The following PXK variants were observed in gnomAD, a reference collection of about 807,000 sequenced individuals.
The protein encoded by PXK is PX domain containing serine/threonine kinase like.
PXK carries 35 observed loss-of-function variants against 84.7 expected under a neutral mutation model. The observed-to-expected ratio is 0.41, with a 90% CI of 0.32 to 0.55. The LOEUF is 0.55. Ranked by LOEUF, PXK falls within the 20% of genes least tolerant of loss-of-function variation. The pLI, the probability that PXK is intolerant of heterozygous loss-of-function variation, is 0.21. For missense variants in PXK, 634 were observed against 699.7 expected (o/e 0.91, Z 1.06); for synonymous variants, 253 against 260.8 (o/e 0.97, Z 0.29).
chr3:58,365,998 C>G, intron 2 of PXK, 74 bp downstream of exon 2: 2 of 1,265,594 alleles, frequency 1.6e-6, no homozygotes, highest in Non-Finnish European at 2.2e-6. Flanking sequence ...GACTTGGGGC[C>G]TCTGAAAGTC....
chr3:58,360,699 G>T (rs2098168816), intron 1 of PXK, among the ~76,000 whole-genome samples: 1 of 151,970 alleles, frequency 6.6e-6, no homozygotes, highest in Non-Finnish European at 1.5e-5. Flanking sequence ...GAGGGTGGTG[G>T]TGCATGCCTG....
chr3:58,333,235 C>A lies in PXK; in HGVS notation c.102+145C>A. On this transcript the variant is annotated intron_variant, in intron 1 of 17. Transcript: ENST00000356151. This position sits in a 1 kb window ranked among gnomAD's most constrained non-coding sequence, Gnocchi z 5.4. ...GGCCCTGGCCGAGAAGGCTGTGGCG[C>A]GCCGCTGGGTCTGGGTCAGGGCCCC... 2.7e-6 allele frequency: 1 copy of A among 375,514 alleles called. No homozygotes were observed. Among genetic ancestry groups the A allele is most frequent in the Non-Finnish European group, 3.7e-6 (1 of 267,800 alleles). 23.3% of individuals were successfully genotyped at this position (375,514 alleles called of 1,614,324 possible).
intron 12 of PXK, 53 bp from the exon 13 acceptor site, chr3:58,403,809 C>A: frequency 8.1e-7 from 1 of 1,238,096 alleles, no homozygotes; most frequent in Non-Finnish European, 1.1e-6. Context: ...TCATCCTAGT[C>A]TGAGAGTGCA....
In PXK at chr3:58,416,918, C is replaced by T. The variant is rs138351711; in HGVS notation, c.1528+3955C>T. Among the ~76,000 whole-genome samples, 77 of 152,254 alleles carry T rather than the reference C, an allele frequency of 5.1e-4. No homozygotes were observed. The highest frequency in any genetic ancestry group is 1.8e-3 in the African/African-American group (76 of 41,564). ...GATTACAGGCTTGAGCCACTGTGCC[C>T]GGCCAGGATTGCAACTTTTGGCTGG... On this transcript the variant is annotated intron_variant, in intron 17 of 17. Transcript: ENST00000356151. The surrounding 1 kb of genome is among the most constrained non-coding windows in gnomAD (Gnocchi z 4.8).
chr3:58,349,572 T>G (rs1369092369), intron 1 of PXK, among the ~76,000 whole-genome samples: 1 of 151,960 alleles, frequency 6.6e-6, no homozygotes, highest in African/African-American at 2.4e-5. Flanking sequence ...GCCAGGCTGG[T>G]CTTGAACTGC....
chr3:58,354,434 G>A (rs2098020117), intron 1 of PXK, among the ~76,000 whole-genome samples: 2 of 151,670 alleles, frequency 1.3e-5, no homozygotes, highest in Non-Finnish European at 2.9e-5. Flanking sequence ...TTTGTGGTGT[G>A]GAGCTGCTTC....
intron 17 of PXK, 60 bp downstream of exon 17, chr3:58,413,023 G>A: frequency 3.8e-6 from 6 of 1,568,282 alleles, no homozygotes; most frequent in Non-Finnish European, 4.4e-6. Context: ...GGAGCGGGCT[G>A]TGCCTCTTCC....
Position 58,399,496 on chromosome 3 carries a change from C to G in PXK, c.1181+119C>G. 6 of 1,021,696 alleles carry G rather than the reference C, an allele frequency of 5.9e-6. No homozygotes were observed. The South Asian group carries it at 8.3e-5, about 14-fold the overall frequency. The allele number at this position is 1,021,696 out of a possible 1,614,324, so 63.3% of individuals were successfully genotyped here. ...TGCGGTCCCTGCAGAGTTGGCGTGG[C>G]CTGCTTGCTGATGGGCACTTGCAGC... On this transcript the variant is annotated intron_variant, in intron 12 of 17. Transcript: ENST00000356151. The surrounding 1 kb of genome is among the most constrained non-coding windows in gnomAD (Gnocchi z 4.3).
intron 4 of PXK, among the ~76,000 whole-genome samples, chr3:58,389,129 GGAAACATT>G (rs2098597193): frequency 6.6e-6 from 1 of 152,016 alleles, no homozygotes; most frequent in African/African-American, 2.4e-5. Context: ...CTTAAAAGGG[GGAAACATT>G]TTCATGATAA....
chr3:58,363,565 T>C (rs562401608), intron 1 of PXK, among the ~76,000 whole-genome samples: 1 of 152,254 alleles, frequency 6.6e-6, no homozygotes, highest in Non-Finnish European at 1.5e-5. Context: ...CAAGCAGTCA[T>C]CCCACCTCAG....
At chr3:58,348,308 A>T (rs2097857111) in intron 1 of PXK, among the ~76,000 whole-genome samples, 1 of 152,216 alleles carries the variant, frequency 6.6e-6, no homozygotes, top group African/African-American at 2.4e-5. Context: ...TGATGGCTCC[A>T]CTAAGCATTG....
chr3:58,334,985 G>A (rs1399909539), intron 1 of PXK, among the ~76,000 whole-genome samples: 2 of 145,098 alleles, frequency 1.4e-5, no homozygotes, highest in Non-Finnish European at 1.5e-5. Flanking sequence ...GTGTGTGTGT[G>A]TAGAGACAGC....
chr3:58,410,093 T>A lies in PXK; in HGVS notation c.1399T>A (p.Ser467Thr). The A allele has an allele frequency of 1.9e-6, 3 of 1,589,582 alleles. No individual in the cohort carries two copies. Among genetic ancestry groups the A allele is most frequent in the Non-Finnish European group, 2.6e-6 (3 of 1,157,868 alleles). Residue 467 changes from serine to threonine, a missense_variant, in exon 16 of 18, where the codon TCA becomes ACA. Ser to Thr is a moderately conservative substitution (Grantham distance 58, BLOSUM62 1). Coordinates refer to ENST00000356151, the MANE Select transcript of PXK (RefSeq NM_017771.5). ...KKRKILARKK[S>T]KRSALENSEE... ...CCCTTTTCTTTTATTCTTAAAGAAGTCAAAACGATCTGCTCTTGAAAATAG... is the reference window on the plus strand; with the variant it reads ...CCCTTTTCTTTTATTCTTAAAGAAGACAAAACGATCTGCTCTTGAAAATAG...
rs752411806 is a variant in PXK, at chr3:58,386,290, C to CTTT, written c.388+3611_388+3613dup. On this transcript the variant is annotated intron_variant, in intron 4 of 17. Coordinates refer to ENST00000356151, the MANE Select transcript of PXK (RefSeq NM_017771.5). ...CTATCTCACACATATATCCCCCTTA[C>CTTT]TTTTTTTTTTTTTTTTTTTTTTTGA... Among the ~76,000 whole-genome samples, 161 of 82,256 alleles carry CTTT rather than the reference C, an allele frequency of 2.0e-3. 30 individuals carry two copies. The highest frequency in any genetic ancestry group is 0.014 in the South Asian group (27 of 1,934). The allele number at this position is 82,256 out of a possible 152,430, so 54.0% of individuals were successfully genotyped here.
At chr3:58,365,811 T>A in intron 1 of PXK, 63 bp from the exon 2 acceptor site, 1 of 1,315,260 alleles carries the variant, frequency 7.6e-7, no homozygotes, top group South Asian at 1.4e-5. Flanking sequence ...TATTTTTGAT[T>A]CCCTGCTTTG....
chr3:58,385,375 A>G lies in PXK; in HGVS notation c.388+2675A>G, dbSNP rs1472808283. Among the ~76,000 whole-genome samples, 11 of 152,210 alleles carry G rather than the reference A, an allele frequency of 7.2e-5. No individual in the cohort carries two copies. Among genetic ancestry groups the G allele is most frequent in the Admixed American group, 2.6e-4 (4 of 15,280 alleles). ...GGCTGACATACCAGCCACCTCAGGA[A>G]AAGGAAGCATAGGCTGCCACCTCCA... On this transcript the variant is annotated intron_variant, in intron 4 of 17. Transcript: ENST00000356151. This position sits in a 1 kb window ranked among gnomAD's most constrained non-coding sequence, Gnocchi z 5.1.
chr3:58,381,555 C>CAAAAAAAAAA (rs34125797), intron 3 of PXK, among the ~76,000 whole-genome samples: 10 of 120,890 alleles, frequency 8.3e-5, no homozygotes, highest in East Asian at 2.4e-4. Context: ...AATAGAAAAC[C>CAAAAAAAAAA]AAAAAAAAAA....
chr3:58,402,324 C>G (rs1381880341), intron 12 of PXK, among the ~76,000 whole-genome samples: 1 of 146,896 alleles, frequency 6.8e-6, no homozygotes, highest in Non-Finnish European at 1.5e-5. Context: ...ATCTTAAACT[C>G]CTGAGCTCAA....
rs6772228 is a variant in PXK, at chr3:58,390,292, T to A, written c.389-290T>A. 0.03 allele frequency among the ~76,000 whole-genome samples: 4,618 copies of A among 152,252 alleles called. 104 individuals carry two copies. The highest frequency in any genetic ancestry group is 0.052 in the Non-Finnish European group (3,505 of 68,016). ...AATATTTTATATAACCATGGCACATTTATCAAAACTAGAAGTGAATATTAG... is the reference window on the plus strand; with the variant it reads ...AATATTTTATATAACCATGGCACATATATCAAAACTAGAAGTGAATATTAG... On this transcript the variant is annotated intron_variant, in intron 4 of 17. Coordinates refer to ENST00000356151, the MANE Select transcript of PXK (RefSeq NM_017771.5). The surrounding 1 kb of genome is among the most constrained non-coding windows in gnomAD (Gnocchi z 4.2).
Sources: allele counts gnomAD v4.1 joint callset (sites outside exome capture counted in the v4.1 genomes callset), GRCh38; gene constraint gnomAD v4.1.1; non-coding constraint Gnocchi (gnomAD v3.1); transcripts MANE v1.5; gene names NCBI Gene and HGNC (gene_info 2026-07-23, HGNC 2026-07-21).